TRPS1: variants seen among roughly 807,000 people sequenced by gnomAD.
TRPS1 encodes the protein transcriptional repressor GATA binding 1.
In TRPS1, 6 loss-of-function variants were observed where a neutral mutation model predicts 101.2. The ratio of observed to expected loss-of-function variants is 0.06; its 90% confidence interval spans 0.03 to 0.12. The LOEUF (loss-of-function observed/expected upper bound fraction) is 0.12, where lower values mean the gene tolerates loss of function less well. Ranked by LOEUF, TRPS1 falls within the 10% of genes least tolerant of loss-of-function variation. TRPS1 has a pLI of 1.00. For synonymous variants in TRPS1, 578 were observed against 589.8 expected, an observed-to-expected ratio of 0.98 and a Z score of 0.29; for missense variants, 1,363 against 1,567.0, an observed-to-expected ratio of 0.87 and a Z score of 2.20.
At chr8:115,534,680 G>A (rs1414827055) in intron 5 of TRPS1, among the ~76,000 whole-genome samples, 1 of 152,070 alleles carries the variant, frequency 6.6e-6, no homozygotes, top group Non-Finnish European at 1.5e-5. Context: ...TTTCCTTTTT[G>A]AAGATCAAGG....
chr8:115,495,754 A>T (rs1280171431), intron 5 of TRPS1, among the ~76,000 whole-genome samples: 1 of 152,190 alleles, frequency 6.6e-6, no homozygotes, highest in Non-Finnish European at 1.5e-5. Context: ...GGCCATAGGA[A>T]AACACATGGA....
At chr8:115,438,125 T>C (rs1410380980) in intron 5 of TRPS1, among the ~76,000 whole-genome samples, 1 of 152,190 alleles carries the variant, frequency 6.6e-6, no homozygotes, top group Non-Finnish European at 1.5e-5. Flanking sequence ...CCCTAAAGCA[T>C]GTAAACCTAG....
At chr8:115,667,463 A>G (rs1043679907) in intron 1 of TRPS1, among the ~76,000 whole-genome samples, 1 of 152,202 alleles carries the variant, frequency 6.6e-6, no homozygotes, top group African/African-American at 2.4e-5. Flanking sequence ...AACCAGACAG[A>G]AGGCAAAGCG....
chr8:115,474,535 T>C (rs747288923), intron 5 of TRPS1, among the ~76,000 whole-genome samples: 1 of 152,154 alleles, frequency 6.6e-6, no homozygotes, highest in Non-Finnish European at 1.5e-5. Flanking sequence ...CTTAAATTTT[T>C]TTCTTGTTCC....
intron 2 of TRPS1, among the ~76,000 whole-genome samples, chr8:115,622,386 A>G (rs1441905107): frequency 6.6e-6 from 1 of 152,212 alleles, no homozygotes; most frequent in Non-Finnish European, 1.5e-5. Flanking sequence ...AGGGAAAGAA[A>G]GACTAAATGA....
intron 5 of TRPS1, among the ~76,000 whole-genome samples, chr8:115,482,300 G>C (rs1814773945): frequency 6.6e-6 from 1 of 152,098 alleles, no homozygotes; most frequent in African/African-American, 2.4e-5. Flanking sequence ...TGATGTATAA[G>C]GTGAAATTTA....
At chr8:115,650,840 C>T (rs1811544381) in intron 1 of TRPS1, among the ~76,000 whole-genome samples, 1 of 152,174 alleles carries the variant, frequency 6.6e-6, no homozygotes, top group African/African-American at 2.4e-5. Context: ...CTGGGCATCT[C>T]AAAGCAACAT....
At chr8:115,517,574 G>T (rs200266635) in intron 5 of TRPS1, among the ~76,000 whole-genome samples, 1 of 151,688 alleles carries the variant, frequency 6.6e-6, no homozygotes, top group Non-Finnish European at 1.5e-5. Context: ...GTGAAAAGAA[G>T]TCCTATGATT....
intron 5 of TRPS1, among the ~76,000 whole-genome samples, chr8:115,551,707 C>T (rs1200899454): frequency 6.6e-6 from 1 of 151,984 alleles, no homozygotes; most frequent in Non-Finnish European, 1.5e-5. Context: ...GTTTCTAAAA[C>T]ATCTTATATA....
chr8:115,496,389 A>G (rs1815149842), intron 5 of TRPS1, among the ~76,000 whole-genome samples: 1 of 152,168 alleles, frequency 6.6e-6, no homozygotes, highest in Non-Finnish European at 1.5e-5. Flanking sequence ...ATTGTTAAAT[A>G]CAGAAAAGAA....
chr8:115,592,611 G>T (rs2721968), intron 4 of TRPS1, among the ~76,000 whole-genome samples: 152,306 of 152,306 alleles, frequency 1, 76,153 homozygotes, highest in Non-Finnish European at 1. Flanking sequence ...TCTAACTGAA[G>T]GACAGAAAAC....
intron 5 of TRPS1, among the ~76,000 whole-genome samples, chr8:115,505,653 T>C (rs1815423940): frequency 6.6e-6 from 1 of 152,080 alleles, no homozygotes; most frequent in Non-Finnish European, 1.5e-5. Flanking sequence ...AAATAACAAA[T>C]AACCTATCTA....
intron 1 of TRPS1, among the ~76,000 whole-genome samples, chr8:115,653,018 A>G (rs1424360656): frequency 6.6e-6 from 1 of 152,164 alleles, no homozygotes; most frequent in Non-Finnish European, 1.5e-5. Context: ...TCTGGATATC[A>G]CCTGTTATAA....
intron 5 of TRPS1, among the ~76,000 whole-genome samples, chr8:115,510,544 A>T (rs1002073602): frequency 3.3e-5 from 5 of 151,970 alleles, no homozygotes; most frequent in African/African-American, 1.2e-4. Context: ...AGAACATCGA[A>T]CTTCTAACAA....
chr8:115,462,269 G>A (rs540499246), intron 5 of TRPS1, among the ~76,000 whole-genome samples: 1 of 152,268 alleles, frequency 6.6e-6, no homozygotes, highest in South Asian at 2.1e-4. Flanking sequence ...ATCAGTTACT[G>A]GGGCAGAAAA....
intron 5 of TRPS1, among the ~76,000 whole-genome samples, chr8:115,527,390 C>G (rs941822361): frequency 6.6e-6 from 1 of 151,930 alleles, no homozygotes; most frequent in Non-Finnish European, 1.5e-5. Context: ...GCGTGTGAGG[C>G]TTTGTTCAGT....
chr8:115,630,073 C>T (rs1818605401), intron 1 of TRPS1, among the ~76,000 whole-genome samples: 1 of 151,860 alleles, frequency 6.6e-6, no homozygotes, highest in South Asian at 2.1e-4. Context: ...AGGTAGATGT[C>T]AAAGTAAAAC....
chr8:115,559,272 A>G (rs190612829), intron 5 of TRPS1, among the ~76,000 whole-genome samples: 1 of 152,250 alleles, frequency 6.6e-6, no homozygotes, highest in Non-Finnish European at 1.5e-5. Flanking sequence ...CAGCACTTGA[A>G]ATATTGATAC....
chr8:115,432,292 T>C (rs1237602294), intron 5 of TRPS1, among the ~76,000 whole-genome samples: 2 of 151,808 alleles, frequency 1.3e-5, no homozygotes, highest in African/African-American at 2.4e-5. Flanking sequence ...AGTTACTACG[T>C]GCTTCAAAAT....
Sources: gnomAD v4.1 joint callset for allele counts (sites outside exome capture counted in the v4.1 genomes callset) on GRCh38, gnomAD v4.1.1 for gene constraint, MANE v1.5 for transcripts, NCBI Gene and HGNC (gene_info 2026-07-23, HGNC 2026-07-21) for gene names.